Variants in GPC5 observed in about 807,000 individuals in gnomAD.
GPC5 encodes glypican 5.
Under a neutral mutation model 53.9 loss-of-function variants are expected in GPC5, and 47 were observed. That is an observed-to-expected ratio of 0.87 (90% CI 0.69 to 1.11). The LOEUF is 1.11. Ranked by LOEUF, GPC5 falls within the 50% of genes most tolerant of loss-of-function variation. The pLI is 0.00. For synonymous variants in GPC5, 286 were observed against 263.3 expected (o/e 1.09, Z -0.84); for missense variants, 748 against 713.1 (o/e 1.05, Z -0.56).
intron 6 of GPC5, among the ~76,000 whole-genome samples, chr13:92,051,874 C>A (rs975761030): frequency 6.6e-6 from 1 of 152,180 alleles, no homozygotes; most frequent in Non-Finnish European, 1.5e-5. Context: ...ACATTGATGG[C>A]AGGACTCTTT....
intron 7 of GPC5, among the ~76,000 whole-genome samples, chr13:92,601,320 C>T (rs913036598): frequency 1.7e-4 from 26 of 152,056 alleles, no homozygotes; most frequent in African/African-American, 6.3e-4. Flanking sequence ...CTTTGGGAGG[C>T]GGAGGCAGGC....
At chr13:91,827,276 A>G (rs2038590057) in intron 5 of GPC5, among the ~76,000 whole-genome samples, 1 of 151,992 alleles carries the variant, frequency 6.6e-6, no homozygotes, top group African/African-American at 2.4e-5. Context: ...ACAAAAATAT[A>G]TCTTCTTGAC....
chr13:92,564,446 A>G (rs1458397966), intron 7 of GPC5, among the ~76,000 whole-genome samples: 5 of 152,062 alleles, frequency 3.3e-5, no homozygotes, highest in Non-Finnish European at 7.4e-5. Flanking sequence ...CAATATAGCT[A>G]GCCCCATTGT....
chr13:91,763,736 A>G (rs1322420932), intron 5 of GPC5, among the ~76,000 whole-genome samples: 3 of 152,042 alleles, frequency 2.0e-5, no homozygotes, highest in African/African-American at 7.2e-5. Flanking sequence ...CTTTCTTGGT[A>G]GGTAATTTTT....
chr13:92,146,939 C>A, intron 7 of GPC5, among the ~76,000 whole-genome samples: 1 of 151,824 alleles, frequency 6.6e-6, no homozygotes, highest in Non-Finnish European at 1.5e-5. Context: ...GATTCCATAT[C>A]TTTTCATGAG....
chr13:91,747,324 A>C (rs1245532540), intron 4 of GPC5, among the ~76,000 whole-genome samples: 2 of 152,054 alleles, frequency 1.3e-5, no homozygotes, highest in African/African-American at 2.4e-5. Flanking sequence ...GTATCAGGAG[A>C]CCTTTCTGGC....
At chr13:91,976,543 A>T (rs926997492) in intron 6 of GPC5, among the ~76,000 whole-genome samples, 1 of 152,198 alleles carries the variant, frequency 6.6e-6, no homozygotes, top group African/African-American at 2.4e-5. Flanking sequence ...GTGGGAAAAC[A>T]GGAATTAGAG....
chr13:92,154,960 C>T (rs913596730), intron 7 of GPC5, among the ~76,000 whole-genome samples: 1 of 152,166 alleles, frequency 6.6e-6, no homozygotes, highest in East Asian at 1.9e-4. Context: ...ATTAGCTAAA[C>T]ATTTTTGTAT....
intron 7 of GPC5, among the ~76,000 whole-genome samples, chr13:92,412,671 T>C (rs1876099311): frequency 6.6e-6 from 1 of 152,210 alleles, no homozygotes; most frequent in East Asian, 1.9e-4. Flanking sequence ...GTTGAGTAGT[T>C]GAGACAGAGA....
intron 7 of GPC5, among the ~76,000 whole-genome samples, chr13:92,780,866 G>A (rs1158352503): frequency 6.6e-6 from 1 of 151,928 alleles, no homozygotes. Context: ...TTTTTAATTG[G>A]AAGCATAAAA....
chr13:92,321,169 A>C (rs927789734), intron 7 of GPC5, among the ~76,000 whole-genome samples: 2 of 152,194 alleles, frequency 1.3e-5, no homozygotes, highest in African/African-American at 2.4e-5. Context: ...CAAATACATT[A>C]TTGGTTTGGT....
At chr13:91,506,721 A>AT (rs1275030819) in intron 2 of GPC5, among the ~76,000 whole-genome samples, 1 of 96,828 alleles carries the variant, frequency 1.0e-5, no homozygotes, top group Non-Finnish European at 2.9e-5. Context: ...ATTTTTAAAC[A>AT]TATTTAAAGT....
At chr13:91,872,285 C>T (rs1418888822) in intron 5 of GPC5, among the ~76,000 whole-genome samples, 1 of 152,136 alleles carries the variant, frequency 6.6e-6, no homozygotes, top group East Asian at 1.9e-4. Flanking sequence ...AAATAAACAT[C>T]TCACTAAAGT....
At chr13:91,785,182 G>C (rs1245622153) in intron 5 of GPC5, among the ~76,000 whole-genome samples, 2 of 152,086 alleles carry the variant, frequency 1.3e-5, no homozygotes, top group Non-Finnish European at 2.9e-5. Context: ...CTTTTGTTCT[G>C]TTCTCTTCTC....
chr13:91,400,132 A>T (rs7328355), intron 1 of GPC5, among the ~76,000 whole-genome samples: 1 of 151,996 alleles, frequency 6.6e-6, no homozygotes. Flanking sequence ...CACTAGAGCC[A>T]TGCACCCCTT....
intron 7 of GPC5, among the ~76,000 whole-genome samples, chr13:92,431,313 A>T (rs1019110230): frequency 1.3e-5 from 2 of 152,030 alleles, no homozygotes; most frequent in African/African-American, 4.8e-5. Flanking sequence ...ATTTAAGGTA[A>T]TGATTACTAC....
At chr13:92,649,497 A>T (rs535782994) in intron 7 of GPC5, among the ~76,000 whole-genome samples, 2 of 152,150 alleles carry the variant, frequency 1.3e-5, no homozygotes, top group Non-Finnish European at 2.9e-5. Flanking sequence ...TAATGCATAA[A>T]CTGCCAATGG....
At chr13:92,088,265 C>T (rs926422667) in intron 6 of GPC5, among the ~76,000 whole-genome samples, 8 of 152,058 alleles carry the variant, frequency 5.3e-5, no homozygotes, top group African/African-American at 1.2e-4. Flanking sequence ...TTTTGAAGAA[C>T]GGTGTCATTC....
chr13:91,748,646 G>T (rs996429098), intron 4 of GPC5, among the ~76,000 whole-genome samples: 4 of 152,146 alleles, frequency 2.6e-5, no homozygotes, highest in African/African-American at 9.7e-5. Flanking sequence ...AGGTAGATTG[G>T]CATACAGGGG....
Sources: allele counts gnomAD v4.1 joint callset (sites outside exome capture counted in the v4.1 genomes callset), GRCh38; gene constraint gnomAD v4.1.1; transcripts MANE v1.5; gene names NCBI Gene and HGNC (gene_info 2026-07-23, HGNC 2026-07-21).